Variants in RNLS observed in about 807,000 individuals in gnomAD.
RNLS encodes renalase, FAD dependent amine oxidase.
In RNLS, 39 loss-of-function variants were observed where a neutral mutation model predicts 39.8. The observed-to-expected ratio is 0.98, with a 90% CI of 0.76 to 1.28. The LOEUF (loss-of-function observed/expected upper bound fraction) is 1.28, where lower values mean the gene tolerates loss of function less well. Ranked by LOEUF, RNLS falls within the 50% of genes most tolerant of loss-of-function variation. The probability of loss-of-function intolerance (pLI) is 0.00; values close to 1 mark genes in which losing one functional copy is unlikely to be tolerated. For missense variants in RNLS, 410 were observed against 413.3 expected (o/e 0.99, Z 0.07); for synonymous variants, 147 against 150.7 (o/e 0.98, Z 0.18).
chr10:88,295,738 A>G (rs1440930448), intron 6 of RNLS, among the ~76,000 whole-genome samples: 1 of 152,210 alleles, frequency 6.6e-6, no homozygotes, highest in Non-Finnish European at 1.5e-5. Context: ...AGAATGTGCC[A>G]CAAATCAATT....
the RNLS span, among the ~76,000 whole-genome samples, chr10:88,204,495 A>G: frequency 6.6e-6 from 1 of 152,158 alleles, no homozygotes; most frequent in Non-Finnish European, 1.5e-5. Flanking sequence ...AGCAATGGTT[A>G]CCTAAACATT....
chr10:88,177,802 A>G, the RNLS span, among the ~76,000 whole-genome samples: 9 of 152,196 alleles, frequency 5.9e-5, no homozygotes, highest in Non-Finnish European at 1.2e-4. Context: ...CTTTGATGCT[A>G]TGTGAGTGCA....
At chr10:88,515,911 T>A (rs1328163172) in intron 4 of RNLS, among the ~76,000 whole-genome samples, 1 of 151,996 alleles carries the variant, frequency 6.6e-6, no homozygotes, top group Non-Finnish European at 1.5e-5. Context: ...AGAAAGGTGA[T>A]TAGGATAAAG....
intron 4 of RNLS, among the ~76,000 whole-genome samples, chr10:88,572,450 C>T (rs992016002): frequency 6.6e-6 from 1 of 152,182 alleles, no homozygotes; most frequent in African/African-American, 2.4e-5. Flanking sequence ...CCCTCTCACC[C>T]ATCCCTTGTC....
chr10:88,555,048 T>C (rs535877913), intron 4 of RNLS, among the ~76,000 whole-genome samples: 1 of 152,270 alleles, frequency 6.6e-6, no homozygotes, highest in South Asian at 2.1e-4. Flanking sequence ...GCTCTTTGTA[T>C]ATGTAAGGCA....
intron 4 of RNLS, among the ~76,000 whole-genome samples, chr10:88,427,808 T>C (rs767035857): frequency 3.9e-5 from 6 of 152,020 alleles, no homozygotes; most frequent in Non-Finnish European, 8.8e-5. Context: ...TAGTAACTCA[T>C]GTTGTTCTCA....
chr10:88,483,578 T>A (rs532067024), intron 4 of RNLS, among the ~76,000 whole-genome samples: 1 of 152,302 alleles, frequency 6.6e-6, no homozygotes, highest in South Asian at 2.1e-4. Context: ...CCTTGTTTAC[T>A]TGAATAATTT....
intron 4 of RNLS, among the ~76,000 whole-genome samples, chr10:88,497,229 C>A (rs1428379644): frequency 2.0e-5 from 3 of 151,880 alleles, no homozygotes; most frequent in Non-Finnish European, 4.4e-5. Flanking sequence ...ATAATGAACA[C>A]AAGTCAGTTT....
rs193175475 is a variant in RNLS at position 88,532,770 on chromosome 10, A to G, written c.526+40133T>C. On this transcript the variant is annotated intron_variant, in intron 4 of 6. Transcript: ENST00000331772. ...TCTTCTGAAAAGGGAAATCATAGAT[A>G]TTGAAAAATCTGCCCATTTACATAA... is the stretch of plus-strand genomic sequence containing the variant. Among the ~76,000 whole-genome samples the G allele has an allele frequency of 3.4e-4, 52 of 152,180 alleles. 1 individual carries two copies. Among genetic ancestry groups the G allele is most frequent in the Middle Eastern group, 3.4e-3 (1 of 294 alleles).
the RNLS span, among the ~76,000 whole-genome samples, chr10:88,265,039 T>C: frequency 6.6e-6 from 1 of 152,218 alleles, no homozygotes; most frequent in African/African-American, 2.4e-5. Context: ...GATCCAGTTT[T>C]ATTCTTCTAC....
At chr10:88,563,430 A>T (rs539300232) in intron 4 of RNLS, among the ~76,000 whole-genome samples, 1 of 152,330 alleles carries the variant, frequency 6.6e-6, no homozygotes, top group South Asian at 2.1e-4. Context: ...AAGGTAAATC[A>T]AAAGACGAGA....
chr10:88,534,762 T>G (rs1332257888), intron 4 of RNLS, among the ~76,000 whole-genome samples: 1 of 152,150 alleles, frequency 6.6e-6, no homozygotes, highest in Non-Finnish European at 1.5e-5. Flanking sequence ...AAAAGCAGGA[T>G]AGAATCCTGT....
chr10:88,433,358 G>A (rs570136648), intron 4 of RNLS, among the ~76,000 whole-genome samples: 1 of 152,084 alleles, frequency 6.6e-6, no homozygotes, highest in Non-Finnish European at 1.5e-5. Flanking sequence ...GGTTCAGAGA[G>A]AGATGGCTAG....
chr10:88,502,612 C>T (rs1389444303), intron 4 of RNLS, among the ~76,000 whole-genome samples: 1 of 152,154 alleles, frequency 6.6e-6, no homozygotes, highest in Admixed American at 6.6e-5. Context: ...TTATACATTA[C>T]CCACCCTCAG....
At chr10:88,335,645 CATTT>C (rs1847434639) in intron 5 of RNLS, among the ~76,000 whole-genome samples, 1 of 152,184 alleles carries the variant, frequency 6.6e-6, no homozygotes, top group Non-Finnish European at 1.5e-5. Flanking sequence ...GACAAAGACA[CATTT>C]ATTAAAAATA....
chr10:88,350,644 G>A (rs1384201613), intron 5 of RNLS, among the ~76,000 whole-genome samples: 3 of 152,072 alleles, frequency 2.0e-5, no homozygotes, highest in Non-Finnish European at 2.9e-5. Context: ...TTGGACATTC[G>A]GGTTGGTTCC....
chr10:88,467,657 TAA>T (rs903079761), intron 4 of RNLS, among the ~76,000 whole-genome samples: 4 of 151,048 alleles, frequency 2.6e-5, no homozygotes, highest in African/African-American at 9.7e-5. Flanking sequence ...CTGGGGGAAT[TAA>T]AAAAAAATGC....
chr10:88,445,436 T>C lies in RNLS; in HGVS notation c.527-82711A>G, dbSNP rs189280944. Among the ~76,000 whole-genome samples, 3 of 152,292 alleles carry C rather than the reference T, an allele frequency of 2.0e-5. No homozygotes were observed. The East Asian group carries it at 5.8e-4, about 29-fold the overall frequency. On this transcript the variant is annotated intron_variant, in intron 4 of 6. Coordinates refer to ENST00000331772, the MANE Select transcript of RNLS (RefSeq NM_001031709.3). Reference sequence around the variant, plus strand: ...CGAGCAAAATAACCAGCTCACATCATAATGAAAGGATCAAATTCACACATA... The same window carrying C: ...CGAGCAAAATAACCAGCTCACATCACAATGAAAGGATCAAATTCACACATA...
At chr10:88,355,805 C>T (rs1049024048) in intron 5 of RNLS, among the ~76,000 whole-genome samples, 2 of 152,232 alleles carry the variant, frequency 1.3e-5, no homozygotes, top group Non-Finnish European at 2.9e-5. Context: ...GCCCTGCCCC[C>T]AGAGGTGGGG....
Sources: allele counts gnomAD v4.1 joint callset (sites outside exome capture counted in the v4.1 genomes callset), GRCh38; gene constraint gnomAD v4.1.1; transcripts MANE v1.5; gene names NCBI Gene and HGNC (gene_info 2026-07-23, HGNC 2026-07-21).